ZNF567: variants seen among roughly 807,000 people sequenced by gnomAD.
The protein encoded by ZNF567 is zinc finger protein 567.
A neutral mutation model predicts 53.9 loss-of-function variants in ZNF567; 36 were observed. That is an observed-to-expected ratio of 0.67 (90% CI 0.51 to 0.88). ZNF567 has a LOEUF of 0.88. Among genes scored for constraint, ZNF567 ranks in the 40% least tolerant of loss-of-function variants. ZNF567 has a pLI of 0.00. For missense variants in ZNF567, 619 were observed against 764.7 expected (o/e 0.81, Z 2.25); for synonymous variants, 224 against 260.4 (o/e 0.86, Z 1.35).
chr19:36,703,212 T>C (rs1184320012), intron 3 of ZNF567, among the ~76,000 whole-genome samples: 1 of 152,192 alleles, frequency 6.6e-6, no homozygotes, highest in East Asian at 1.9e-4. Flanking sequence ...TTTGCCTGGG[T>C]ATCAGCAGCA....
intron 3 of ZNF567, among the ~76,000 whole-genome samples, chr19:36,696,589 T>A (rs1206880986): frequency 6.6e-6 from 1 of 152,130 alleles, no homozygotes; most frequent in Non-Finnish European, 1.5e-5. Context: ...GTTAAAAGTC[T>A]CCCATTCACT....
At position 36,702,925 on chromosome 19, in the gene ZNF567, C is replaced by A. The variant is rs188700018; in HGVS notation, c.9+8049C>A. Among the ~76,000 whole-genome samples, 836 of 152,312 alleles carry A rather than the reference C, an allele frequency of 5.5e-3. 23 individuals are homozygous for A. The highest frequency in any genetic ancestry group is 0.037 in the Admixed American group (565 of 15,290). On this transcript the variant is annotated intron_variant, in intron 3 of 5. Coordinates refer to ENST00000682579, the MANE Select transcript of ZNF567 (RefSeq NM_001322917.1). ...CATCTGAAGCCTTCTTCTCTCAACT[C>A]GTCAAAGTCATTCTCCGTCCAGCTT... is the stretch of plus-strand genomic sequence containing the variant.
chr19:36,718,571 T>G (rs2040170926), intron 5 of ZNF567, among the ~76,000 whole-genome samples: 1 of 152,304 alleles, frequency 6.6e-6, no homozygotes, highest in South Asian at 2.1e-4. Flanking sequence ...GTATTTTCGC[T>G]AAACAAAGAT....
chr19:36,672,532 G>C, the ZNF567 span, among the ~76,000 whole-genome samples: 1 of 152,168 alleles, frequency 6.6e-6, no homozygotes, highest in Non-Finnish European at 1.5e-5. Flanking sequence ...TGATGGCAGT[G>C]ATGAAAGTTA....
intron 3 of ZNF567, among the ~76,000 whole-genome samples, chr19:36,701,707 G>A (rs556025961): frequency 0.04 from 5,887 of 146,540 alleles, 403 homozygotes; most frequent in African/African-American, 0.14. Flanking sequence ...TTTGATCTTC[G>A]TTGGTTTAAA....
intron 2 of ZNF567, among the ~76,000 whole-genome samples, chr19:36,693,714 G>T (rs1287785577): frequency 6.6e-6 from 1 of 152,116 alleles, no homozygotes; most frequent in Non-Finnish European, 1.5e-5. Flanking sequence ...GAACAGTTCA[G>T]TGGAAATAAA....
At chr19:36,718,463 C>T (rs1423498606) in intron 5 of ZNF567, among the ~76,000 whole-genome samples, 1 of 152,126 alleles carries the variant, frequency 6.6e-6, no homozygotes, top group African/African-American at 2.4e-5. Context: ...CACGCCACTG[C>T]ACTCCAGCCT....
the ZNF567 span, among the ~76,000 whole-genome samples, chr19:36,667,940 G>A: frequency 6.6e-6 from 1 of 151,494 alleles, no homozygotes; most frequent in African/African-American, 2.4e-5. Context: ...GAGCCACCGC[G>A]CCCGGCCTCT....
intron 3 of ZNF567, among the ~76,000 whole-genome samples, chr19:36,696,654 C>T (rs2038905625): frequency 6.6e-6 from 1 of 152,320 alleles, no homozygotes; most frequent in South Asian, 2.1e-4. Context: ...CCTCCATCCT[C>T]CACTGATACC....
At chr19:36,726,982 T>TTTCTTTCTTTCTTTCTTTCTTTC (rs2040337162), downstream of ZNF567, 13 of 55,414 alleles carry the variant, frequency 2.3e-4, no homozygotes, top group African/African-American at 3.4e-4. Context: ...CTTTCTTTCT[T>TTTCTTTCTTTCTTTCTTTCTTTC]TTTCTTTCTT....
At chr19:36,703,511 T>C (rs1182913297) in intron 3 of ZNF567, among the ~76,000 whole-genome samples, 1 of 152,136 alleles carries the variant, frequency 6.6e-6, no homozygotes, top group African/African-American at 2.4e-5. Context: ...TCTTTTTGTT[T>C]GTCTGTGCCC....
downstream of ZNF567, chr19:36,727,411 G>A (rs555275265): frequency 2.2e-4 from 31 of 140,810 alleles, no homozygotes; most frequent in African/African-American, 6.9e-4. Context: ...ACGGAGTCTC[G>A]GTCTATCACC....
At chr19:36,684,476 G>A (rs554802732), upstream of ZNF567, among the ~76,000 whole-genome samples, 10 of 152,122 alleles carry the variant, frequency 6.6e-5, no homozygotes, top group Admixed American at 6.6e-4. Context: ...TCTGGCTGAA[G>A]AGACCCAAAC....
intron 3 of ZNF567, among the ~76,000 whole-genome samples, chr19:36,706,667 T>TG (rs1468291526): frequency 8.4e-6 from 1 of 119,354 alleles, no homozygotes; most frequent in Non-Finnish European, 1.7e-5. Flanking sequence ...TTTTTACTGT[T>TG]GGTTTTTTTT....
At chr19:36,675,528 C>G in the ZNF567 span, among the ~76,000 whole-genome samples, 3 of 152,276 alleles carry the variant, frequency 2.0e-5, no homozygotes, top group East Asian at 3.9e-4. Context: ...CAAAAATTAG[C>G]TGGGCGTGGT....
At chr19:36,722,367 T>C (rs1325680755), downstream of ZNF567, among the ~76,000 whole-genome samples, 1 of 152,134 alleles carries the variant, frequency 6.6e-6, no homozygotes, top group East Asian at 1.9e-4. Context: ...AATGACATGG[T>C]CTCAACTCAC....
intron 3 of ZNF567, among the ~76,000 whole-genome samples, chr19:36,710,535 A>G (rs1175078980): frequency 6.6e-6 from 1 of 152,126 alleles, no homozygotes; most frequent in Non-Finnish European, 1.5e-5. Context: ...CTTGTAATCA[A>G]ACATCAAACT....
At chr19:36,671,577 T>A in the ZNF567 span, among the ~76,000 whole-genome samples, 5 of 152,134 alleles carry the variant, frequency 3.3e-5, no homozygotes, top group Non-Finnish European at 7.4e-5. Flanking sequence ...ATCCAACAAA[T>A]CTAATGGTGC....
chr19:36,708,461 G>A (rs142238798), intron 3 of ZNF567, among the ~76,000 whole-genome samples: 36 of 152,258 alleles, frequency 2.4e-4, no homozygotes, highest in African/African-American at 1.9e-4. Context: ...GATTCCTGGA[G>A]CTACATTAAC....
Sources: allele counts gnomAD v4.1 joint callset (sites outside exome capture counted in the v4.1 genomes callset), GRCh38; gene constraint gnomAD v4.1.1; transcripts MANE v1.5; gene names NCBI Gene and HGNC (gene_info 2026-07-23, HGNC 2026-07-21).